Variants in WDR76 observed in about 807,000 individuals in gnomAD.
WDR76 encodes the protein WD repeat domain 76.
WDR76 carries 52 observed loss-of-function variants against 70.2 expected under a neutral mutation model. The ratio of observed to expected loss-of-function variants is 0.74; its 90% CI spans 0.59 to 0.93. The LOEUF is 0.93. Ranked by LOEUF, WDR76 falls within the 40% of genes least tolerant of loss-of-function variation. The pLI is 0.00. For synonymous variants in WDR76, 292 were observed against 271.1 expected, an observed-to-expected ratio of 1.08 and a Z score of -0.76; for missense variants, 756 against 760.2, an observed-to-expected ratio of 0.99 and a Z score of 0.07.
At chr15:43,843,647 T>C (rs2087752682) in intron 7 of WDR76, among the ~76,000 whole-genome samples, 1 of 152,188 alleles carries the variant, frequency 6.6e-6, no homozygotes, top group Non-Finnish European at 1.5e-5. Context: ...TATATGAACT[T>C]ACTCTTCCAC....
chr15:43,837,210 C>G (rs569599496), intron 4 of WDR76, among the ~76,000 whole-genome samples: 1 of 152,248 alleles, frequency 6.6e-6, no homozygotes, highest in East Asian at 1.9e-4. Flanking sequence ...GTATCATTAG[C>G]TCATTTGTTT....
At chr15:43,845,238 G>C (rs909017661) in intron 8 of WDR76, among the ~76,000 whole-genome samples, 3 of 149,720 alleles carry the variant, frequency 2.0e-5, no homozygotes, top group East Asian at 1.9e-4. Context: ...CATGAGCCAC[G>C]GCGCCCAGCC....
chr15:43,861,326 T>C lies in WDR76; in HGVS notation c.1563-7T>C. ...CAAAAGAATGTCTTACTCTCTTTAT[T>C]TTGCAGAATTTTTGACAGCAGCTGT... On this transcript the variant is annotated splice_polypyrimidine_tract_variant and splice_region_variant and intron_variant, in intron 11 of 12. Coordinates refer to ENST00000263795, the MANE Select transcript of WDR76 (RefSeq NM_024908.4). The C allele has an allele frequency of 6.2e-7, 1 of 1,613,644 alleles. No individual in the cohort carries two copies. Among genetic ancestry groups the C allele is most frequent in the Non-Finnish European group, 8.5e-7 (1 of 1,179,668 alleles).
intron 8 of WDR76, among the ~76,000 whole-genome samples, chr15:43,847,757 A>T (rs1239546871): frequency 6.6e-6 from 1 of 151,924 alleles, no homozygotes; most frequent in Non-Finnish European, 1.5e-5. Context: ...AGGCTTCTCC[A>T]TGTTGGCCAG....
intron 10 of WDR76, among the ~76,000 whole-genome samples, chr15:43,857,921 C>CAGT (rs2087949121): frequency 6.7e-6 from 1 of 148,202 alleles, no homozygotes; most frequent in Admixed American, 6.8e-5. Flanking sequence ...TTATCTATAC[C>CAGT]AGTTTTGGGG....
Position 43,858,821 on chromosome 15 carries a change from G to T in WDR76, c.1560G>T (p.Leu520=). 3 of 1,611,980 alleles carry T rather than the reference G, an allele frequency of 1.9e-6. No individual in the cohort carries two copies. Among genetic ancestry groups the T allele is most frequent in the Non-Finnish European group, 2.5e-6 (3 of 1,179,508 alleles). Reference sequence around the variant, plus strand: ...TGACCACATGTGCTGATTGTAATCTGAGGTAAATTGGGAAGGCAGAAATGT... The same window carrying T: ...TGACCACATGTGCTGATTGTAATCTTAGGTAAATTGGGAAGGCAGAAATGT... ...RVVTTCADCN[L]RIFDSSCISS... is the part of the protein sequence containing the mutation. The change falls in exon 11 of 13, where the codon CTG becomes CTT. Residue 520 remains leucine (L), a splice_region_variant and synonymous_variant. Transcript: ENST00000263795.
rs779916904 is a variant in WDR76 at position 43,827,956 on chromosome 15, T to A, written c.61-9T>A. ...CTAATATTCTGTTTTCTTTTATTGA[T>A]CTGAATAGGTAAATGAATATAAAGA... On this transcript the variant is annotated splice_polypyrimidine_tract_variant and intron_variant, in intron 1 of 12. Transcript: ENST00000263795. 10 of 1,589,782 alleles carry A rather than the reference T, an allele frequency of 6.3e-6. No homozygotes were observed. The highest frequency in any genetic ancestry group is 8.5e-6 in the Non-Finnish European group (10 of 1,171,358).
chr15:43,862,276 C>CTTTTT, intron 12 of WDR76, among the ~76,000 whole-genome samples: 5 of 42,124 alleles, frequency 1.2e-4, no homozygotes, highest in African/African-American at 3.8e-4. Context: ...TTATCAGTTT[C>CTTTTT]TTTTTTTTTT....
chr15:43,844,148 G>A (rs992311560), intron 8 of WDR76, 94 bp downstream of exon 8: 32 of 1,188,322 alleles, frequency 2.7e-5, no homozygotes, highest in African/African-American at 6.3e-5. Context: ...TAAATGTTGC[G>A]TGAGACTTAC....
chr15:43,833,984 A>G (rs1008963917), intron 2 of WDR76, among the ~76,000 whole-genome samples: 8 of 152,124 alleles, frequency 5.3e-5, no homozygotes, highest in African/African-American at 1.7e-4. Context: ...ATTTCTCAGC[A>G]GTTTCTCGAA....
intron 8 of WDR76, 55 bp from the exon 9 acceptor site, chr15:43,851,032 T>A: frequency 6.3e-7 from 1 of 1,594,822 alleles, no homozygotes; most frequent in Non-Finnish European, 8.6e-7. Context: ...ATAGCAAAAA[T>A]CACTATTTTT....
chr15:43,842,343 T>A, intron 5 of WDR76, 72 bp from the exon 6 acceptor site: 1 of 1,351,004 alleles, frequency 7.4e-7, no homozygotes, highest in Admixed American at 2.0e-5. Flanking sequence ...AACAGACAAA[T>A]ACCCTTGCCC....
intron 12 of WDR76, among the ~76,000 whole-genome samples, chr15:43,863,582 CAG>C (rs1376844413): frequency 2.7e-5 from 4 of 148,476 alleles, no homozygotes; most frequent in East Asian, 4.0e-4. Context: ...AAAAAAGAAA[CAG>C]GGTCTCGCTC....
Position 43,851,099 on chromosome 15 carries a change from A to G in WDR76, c.1045A>G (p.Lys349Glu), listed in dbSNP as rs777917894. The change falls in exon 9 of 13, where the codon AAA becomes GAA. Residue 349 changes from lysine (K) to glutamate (E), a missense_variant. Coordinates refer to ENST00000263795, the MANE Select transcript of WDR76 (RefSeq NM_024908.4). ...VGLCDLTQQP[K>E]EDGVYVFHPH... The stretch of plus-strand genomic sequence containing the variant: ...AACTCTCTTCCAGACCCAGCAACCT[A>G]AAGAAGATGGAGTTTATGTTTTTCA... The G allele has an allele frequency of 1.9e-6, 3 of 1,613,928 alleles. No individual in the cohort carries two copies. The Admixed American group carries it at 5.0e-5, about 27-fold the overall frequency.
chr15:43,828,622 AAACT>A (rs1350419379), intron 2 of WDR76, among the ~76,000 whole-genome samples: 3 of 152,060 alleles, frequency 2.0e-5, no homozygotes, highest in South Asian at 2.1e-4. Context: ...TTCTTTCTCT[AAACT>A]AACTGCATAT....
At chr15:43,842,088 G>C (rs1291377765) in intron 5 of WDR76, among the ~76,000 whole-genome samples, 1 of 152,040 alleles carries the variant, frequency 6.6e-6, no homozygotes, top group Non-Finnish European at 1.5e-5. Flanking sequence ...GGCTGGTCTC[G>C]AACTCCTGAC....
chr15:43,827,375 C>T (rs980227230), intron 1 of WDR76, among the ~76,000 whole-genome samples: 1 of 152,170 alleles, frequency 6.6e-6, no homozygotes, highest in Non-Finnish European at 1.5e-5. Flanking sequence ...CCGCAGCTGA[C>T]AGTTGGGGTA....
At chr15:43,836,338 C>T in intron 4 of WDR76, 122 bp downstream of exon 4, 1 of 683,366 alleles carries the variant, frequency 1.5e-6, no homozygotes, top group African/African-American at 1.8e-5. Context: ...ATCTCAGTCC[C>T]TCTAGGATCT....
At chr15:43,835,440 G>A (rs2087643793) in intron 3 of WDR76, among the ~76,000 whole-genome samples, 1 of 151,836 alleles carries the variant, frequency 6.6e-6, no homozygotes, top group African/African-American at 2.4e-5. Context: ...CGTGAGCTAT[G>A]ATCATGCCAC....
Sources: gnomAD v4.1 joint callset for allele counts (sites outside exome capture counted in the v4.1 genomes callset) on GRCh38, gnomAD v4.1.1 for gene constraint, MANE v1.5 for transcripts, NCBI Gene and HGNC (gene_info 2026-07-23, HGNC 2026-07-21) for gene names.